Variants in MYO16 observed in about 807,000 individuals in gnomAD.
The protein encoded by MYO16 is myosin XVI.
In MYO16, 94 loss-of-function variants were observed where a neutral mutation model predicts 205.3. That is an observed-to-expected ratio of 0.46 (90% CI 0.39 to 0.54). The LOEUF is 0.54. MYO16 is among the 20% of genes least tolerant of loss of function. The pLI is 0.00. For synonymous variants in MYO16, 988 were observed against 954.0 expected (o/e 1.04, Z -0.66); for missense variants, 2,315 against 2,387.5 (o/e 0.97, Z 0.63).
chr13:108,653,142 T>G (rs1401182667), intron 1 of MYO16, among the ~76,000 whole-genome samples: 1 of 152,210 alleles, frequency 6.6e-6, no homozygotes, highest in Non-Finnish European at 1.5e-5. Flanking sequence ...TGATCAATGA[T>G]GTTGAGCATA....
intron 34 of MYO16, among the ~76,000 whole-genome samples, chr13:109,198,033 TTACCC>T (rs1437073710): frequency 6.6e-6 from 1 of 152,150 alleles, no homozygotes; most frequent in Non-Finnish European, 1.5e-5. Context: ...GCTTTTGAAC[TTACCC>T]TGCTTTGCAA....
At chr13:108,976,284 T>C (rs1200901917) in intron 20 of MYO16, among the ~76,000 whole-genome samples, 1 of 152,200 alleles carries the variant, frequency 6.6e-6, no homozygotes, top group Non-Finnish European at 1.5e-5. Context: ...CTCTCTGATG[T>C]GATGTATGTT....
chr13:109,187,826 G>C (rs957842594), intron 34 of MYO16, among the ~76,000 whole-genome samples: 1 of 152,184 alleles, frequency 6.6e-6, no homozygotes, highest in Non-Finnish European at 1.5e-5. Context: ...TATGTATTCT[G>C]CTTCCATTGG....
In MYO16 at chr13:109,091,127, G is replaced by A. The variant is rs1263984006; in HGVS notation, c.3336-9658G>A. On this transcript the variant is annotated intron_variant, in intron 27 of 34. Coordinates refer to ENST00000457511, the MANE Select transcript of MYO16 (RefSeq NM_001198950.3). ...ATGAATATAAGTTCATAGAATGGGG[G>A]AAATGCATCCATATGTAGCCATGGG... 3.3e-5 allele frequency among the ~76,000 whole-genome samples: 5 copies of A among 152,148 alleles called. No individual in the cohort carries two copies. In the East Asian group the frequency reaches 7.7e-4, roughly 24 times the overall value.
At chr13:108,691,762 T>C (rs1462733898) in intron 2 of MYO16, among the ~76,000 whole-genome samples, 3 of 152,250 alleles carry the variant, frequency 2.0e-5, no homozygotes, top group African/African-American at 7.2e-5. Context: ...CACTCTGATT[T>C]CTAGCTCAAC....
chr13:108,731,509 C>T (rs1435690573), intron 4 of MYO16, among the ~76,000 whole-genome samples: 1 of 152,112 alleles, frequency 6.6e-6, no homozygotes, highest in Admixed American at 6.5e-5. Flanking sequence ...GATGAGTTTG[C>T]TTTTCCTTAC....
chr13:108,613,596 A>G (rs1242461039), intron 1 of MYO16, among the ~76,000 whole-genome samples: 1 of 152,162 alleles, frequency 6.6e-6, no homozygotes, highest in Non-Finnish European at 1.5e-5. Context: ...ATAAAAAGCA[A>G]AGTATTCAAC....
chr13:108,960,707 C>A (rs1883549211), intron 17 of MYO16, among the ~76,000 whole-genome samples: 1 of 152,230 alleles, frequency 6.6e-6, no homozygotes, highest in South Asian at 2.1e-4. Context: ...CTTCACGGGG[C>A]TCAACCTGTT....
At chr13:108,594,645 C>A (rs548193612), upstream of MYO16, among the ~76,000 whole-genome samples, 124 of 152,330 alleles carry the variant, frequency 8.1e-4, no homozygotes, top group Admixed American at 1.2e-3. Flanking sequence ...CACTTCGGTG[C>A]TGGATAATTT....
At chr13:108,762,663 A>G (rs1336360957) in intron 4 of MYO16, among the ~76,000 whole-genome samples, 1 of 152,232 alleles carries the variant, frequency 6.6e-6, no homozygotes, top group Non-Finnish European at 1.5e-5. Context: ...TTGCATTCTC[A>G]TTTGAAAACA....
chr13:108,831,309 T>A (rs776997178), intron 9 of MYO16, among the ~76,000 whole-genome samples: 1 of 152,204 alleles, frequency 6.6e-6, no homozygotes, highest in Non-Finnish European at 1.5e-5. Flanking sequence ...ATTTGTAATT[T>A]AAAAAATCAT....
At chr13:109,042,541 CAT>C (rs1233354999) in intron 23 of MYO16, among the ~76,000 whole-genome samples, 6 of 152,310 alleles carry the variant, frequency 3.9e-5, no homozygotes, top group African/African-American at 1.2e-4. Flanking sequence ...TGTTTGCAAC[CAT>C]GTGTTAACAA....
intron 2 of MYO16, among the ~76,000 whole-genome samples, chr13:108,675,010 C>G (rs1882140630): frequency 1.3e-5 from 2 of 152,194 alleles, no homozygotes; most frequent in Admixed American, 1.3e-4. Context: ...CAGCGTCACT[C>G]CCATTTCATT....
intron 3 of MYO16, among the ~76,000 whole-genome samples, chr13:108,717,735 C>T (rs548576008): frequency 5.9e-5 from 9 of 151,562 alleles, no homozygotes; most frequent in Non-Finnish European, 1.0e-4. Context: ...ATAGCACAAT[C>T]GGATATATGA....
At chr13:109,138,860 C>G (rs1357751461) in intron 31 of MYO16, among the ~76,000 whole-genome samples, 2 of 152,030 alleles carry the variant, frequency 1.3e-5, no homozygotes, top group African/African-American at 2.4e-5. Flanking sequence ...ACTCTGTCGC[C>G]AGGCTGGAGT....
intron 24 of MYO16, among the ~76,000 whole-genome samples, chr13:109,047,277 T>C (rs1887077676): frequency 6.6e-6 from 1 of 152,192 alleles, no homozygotes; most frequent in Non-Finnish European, 1.5e-5. Flanking sequence ...AAAGCTTTTC[T>C]GTGAAGACTA....
chr13:108,743,483 C>T lies in MYO16; in HGVS notation c.507+15900C>T, dbSNP rs138153599. Among the ~76,000 whole-genome samples the T allele has an allele frequency of 1.2e-3, 184 of 152,212 alleles. 1 individual carries two copies. Among genetic ancestry groups the T allele is most frequent in the African/African-American group, 4.3e-3 (179 of 41,544 alleles). ...ATGAGGAGCTCTTTAAAGATTTTTTCGCTGCTTGAAATAAGAAGTTGTAGG... is the reference window on the plus strand; with the variant it reads ...ATGAGGAGCTCTTTAAAGATTTTTTTGCTGCTTGAAATAAGAAGTTGTAGG... On this transcript the variant is annotated intron_variant, in intron 4 of 34. Transcript: ENST00000457511.
intron 2 of MYO16, among the ~76,000 whole-genome samples, chr13:108,671,675 C>T (rs570398819): frequency 1.3e-5 from 2 of 152,268 alleles, no homozygotes; most frequent in South Asian, 2.1e-4. Flanking sequence ...TCTGCTATAT[C>T]AAAATATCAC....
rs566858061 is a variant in MYO16, at chr13:108,925,502, T to C, written c.1925+15352T>C. Among the ~76,000 whole-genome samples, 5 of 152,308 alleles carry C rather than the reference T, an allele frequency of 3.3e-5. No homozygotes were observed. In the East Asian group the frequency reaches 7.7e-4, roughly 24 times the overall value. On this transcript the variant is annotated intron_variant, in intron 16 of 34. Transcript: ENST00000457511. ...GTAATTAAATAGTGGTAGTATAATA[T>C]TTTATTGCAAATCTTTAATGGCTTT...
Sources: allele counts gnomAD v4.1 joint callset (sites outside exome capture counted in the v4.1 genomes callset), GRCh38; gene constraint gnomAD v4.1.1; transcripts MANE v1.5; gene names NCBI Gene and HGNC (gene_info 2026-07-23, HGNC 2026-07-21).